Variants in TBX1 observed in about 807,000 individuals in gnomAD.
TBX1 encodes the protein T-box transcription factor TBX1.
In TBX1, 16 loss-of-function variants were observed where a neutral mutation model predicts 40.8. That is an observed-to-expected ratio of 0.39 (90% CI 0.27 to 0.60). TBX1 has a LOEUF of 0.60. Ranked by LOEUF, TBX1 falls within the 20% of genes least tolerant of loss-of-function variation. TBX1 has a pLI of 0.51. For synonymous variants in TBX1, 403 were observed against 336.8 expected (o/e 1.20, Z -2.15); for missense variants, 755 against 728.5 (o/e 1.04, Z -0.42).
At chr22:19,779,815 G>C (rs183031542), downstream of TBX1, among the ~76,000 whole-genome samples, 1 of 152,114 alleles carries the variant, frequency 6.6e-6, no homozygotes, top group African/African-American at 2.4e-5. Context: ...TTCTTTCTCC[G>C]ACGTGCTCTT....
chr22:19,778,539 A>G (rs185973506), intron 8 of TBX1, among the ~76,000 whole-genome samples: 5 of 151,704 alleles, frequency 3.3e-5, no homozygotes, highest in Non-Finnish European at 5.9e-5. Flanking sequence ...GGCTCAAGCA[A>G]TCCTCCTGCC....
chr22:19,766,052 C>G (rs1356072790), intron 6 of TBX1, 50 bp downstream of exon 6: 18 of 1,392,966 alleles, frequency 1.3e-5, no homozygotes, highest in Non-Finnish European at 1.4e-5. Context: ...CGCGCTCTAC[C>G]CCGGGCCGGC....
At chr22:19,762,220 G>C (rs981054351) in intron 1 of TBX1, among the ~76,000 whole-genome samples, 2 of 152,242 alleles carry the variant, frequency 1.3e-5, no homozygotes, top group African/African-American at 4.8e-5. Context: ...AGGCCAGCCC[G>C]GCAAGGGCCT....
In TBX1 at chr22:19,766,222, G is replaced by A. The variant is rs897430306; in HGVS notation, c.1037-167G>A. 8.4e-5 allele frequency: 88 copies of A among 1,051,010 alleles called. 1 individual carries two copies. The African/African-American group carries it at 1.0e-3, about 12-fold the overall frequency. 65.1% of individuals were successfully genotyped at this position (1,051,010 alleles called of 1,614,324 possible). A position where few individuals can be genotyped will look rare whatever the true frequency, so the allele number is the denominator to read the frequency against. On this transcript the variant is annotated intron_variant, in intron 6 of 6. Coordinates refer to ENST00000649276, the MANE Select transcript of TBX1 (RefSeq NM_001379200.1). The stretch of plus-strand genomic sequence containing the variant: ...CCCGCAGAGGGGCGCGGGCCCCGGG[G>A]AGGGCTCGGGGCGCCGGCGACTTGG...
chr22:19,766,181 CCCGCCG>C (rs913799811), intron 6 of TBX1, 179 bp downstream of exon 6: 12 of 810,658 alleles, frequency 1.5e-5, no homozygotes, highest in African/African-American at 1.9e-5. Context: ...CTGCGCCCCG[CCCGCCG>C]CCGCCGCCGC....
At position 19,761,165 on chromosome 22, in the gene TBX1, G is replaced by A; in HGVS notation, c.322G>A (p.Ala108Thr). 1 of 1,520,150 alleles carries A rather than the reference G, an allele frequency of 6.6e-7. No homozygotes were observed. Among genetic ancestry groups the A allele is most frequent in the Non-Finnish European group, 8.8e-7 (1 of 1,130,186 alleles). The allele number at this position is 1,520,150 out of a possible 1,614,324, so 94.2% of individuals were successfully genotyped here. Residue 108 changes from alanine (A) to threonine (T), a missense_variant, in exon 1 of 7, where the codon GCG becomes ACG. Physicochemically the swap from Ala to Thr is moderately conservative, Grantham distance 58. Around this residue, in one of 3 missense-constraint regions of TBX1, gnomAD observed 199 missense variants for 173.0 expected, o/e 1.15. Transcript: ENST00000649276. ...PGASCAAAAK[A>T]PVKKNAKVAG... is the part of the protein sequence containing the mutation. ...GGCCAGCTGCGCGGCCGCAGCCAAGGCGCCGGTGAAGAAGAACGCGAAGGT... is the reference window on the plus strand; with the variant it reads ...GGCCAGCTGCGCGGCCGCAGCCAAGACGCCGGTGAAGAAGAACGCGAAGGT...
chr22:19,768,950 A>ATTTTTTTTTT (rs1601297935), downstream of TBX1, among the ~76,000 whole-genome samples: 2 of 70,714 alleles, frequency 2.8e-5, no homozygotes, highest in Admixed American at 1.7e-4. Flanking sequence ...GGCTGTTCGC[A>ATTTTTTTTTT]TTCTTTTTTT....
chr22:19,774,533 G>A (rs899669266), intron 8 of TBX1, among the ~76,000 whole-genome samples: 1 of 152,192 alleles, frequency 6.6e-6, no homozygotes, highest in Non-Finnish European at 1.5e-5. Context: ...GTTCATAGCA[G>A]CATTACTCAA....
At position 19,766,678 on chromosome 22, in the gene TBX1, G is replaced by A; in HGVS notation, c.1326G>A (p.Pro442=). Residue 442 remains proline, a synonymous_variant, in exon 7 of 7, where the codon CCG becomes CCA. Transcript: ENST00000649276. ...ACTATCTCGGGGCCAAGAGCCGGCC[G>A]GCGCCCTACCCGCTGCCCGGCCTGC... ...YDHYLGAKSR[P]APYPLPGLRG... 2 of 1,549,394 alleles carry A rather than the reference G, an allele frequency of 1.3e-6. No homozygotes were observed. The highest frequency in any genetic ancestry group is 1.7e-6 in the Non-Finnish European group (2 of 1,156,366).
intron 1 of TBX1, 47 bp downstream of exon 1, chr22:19,761,327 C>G: frequency 6.6e-7 from 1 of 1,511,476 alleles, no homozygotes; most frequent in Non-Finnish European, 8.9e-7. Context: ...CGTGCTGCCG[C>G]CAGGGCTGCG....
chr22:19,779,137 T>C (rs1937110879), intron 8 of TBX1: 30 of 1,503,544 alleles, frequency 2.0e-5, no homozygotes, highest in Non-Finnish European at 2.7e-5. Context: ...CACTGGACAT[T>C]TGTGCAGTCT....
chr22:19,767,149 C>A lies in TBX1; in HGVS notation c.*282C>A, dbSNP rs942088365. On this transcript the variant is annotated 3_prime_UTR_variant, in exon 7 of 7. Coordinates refer to ENST00000649276, the MANE Select transcript of TBX1 (RefSeq NM_001379200.1). Reference sequence around the variant, plus strand: ...GCCCGCCAGTGCCAAAGCGCCCGGTCGGAGGCGGAAGGAAGTGATATTTAT... The same window carrying A: ...GCCCGCCAGTGCCAAAGCGCCCGGTAGGAGGCGGAAGGAAGTGATATTTAT... 2.1e-5 allele frequency: 26 copies of A among 1,240,622 alleles called. No homozygotes were observed. The Admixed American group carries it at 2.6e-4, about 12-fold the overall frequency. The allele number at this position is 1,240,622 out of a possible 1,614,324, so 76.9% of individuals were successfully genotyped here.
intron 3 of TBX1, 117 bp downstream of exon 3, chr22:19,764,443 T>TGGGCTGTCCCC: frequency 7.3e-7 from 1 of 1,371,296 alleles, no homozygotes; most frequent in Non-Finnish European, 1.0e-6. Context: ...CAGGCGGCTC[T>TGGGCTGTCCCC]GGGCTGTCCC....
upstream of TBX1, chr22:19,759,499 C>G: frequency 6.7e-7 from 1 of 1,490,038 alleles, no homozygotes; most frequent in Non-Finnish European, 8.9e-7. Context: ...CGCCTATGGA[C>G]GCGCGGAGCC....
At chr22:19,757,145 G>C (rs1483149646), upstream of TBX1, among the ~76,000 whole-genome samples, 1 of 151,658 alleles carries the variant, frequency 6.6e-6, no homozygotes, top group African/African-American at 2.4e-5. Flanking sequence ...AGTATAGGCA[G>C]CCGGTGGGGT....
intron 8 of TBX1, among the ~76,000 whole-genome samples, chr22:19,773,078 A>C (rs552679201): frequency 2.0e-5 from 3 of 152,328 alleles, no homozygotes; most frequent in East Asian, 3.9e-4. Context: ...TTGTTCCTCC[A>C]CGGATTCAGA....
intron 8 of TBX1, among the ~76,000 whole-genome samples, chr22:19,775,283 C>T (rs1272555744): frequency 2.6e-5 from 4 of 151,574 alleles, no homozygotes; most frequent in South Asian, 2.1e-4. Flanking sequence ...TTAGTAGAGA[C>T]GGGGTTTCAC....
In TBX1 at chr22:19,766,662, G is replaced by C; in HGVS notation, c.1310G>C (p.Gly437Ala). The change falls in exon 7 of 7, where the codon GGG becomes GCG. Residue 437 changes from glycine to alanine, a missense_variant. Around this residue, in one of 3 missense-constraint regions of TBX1, gnomAD observed 412 missense variants for 317.6 expected, o/e 1.30. Coordinates refer to ENST00000649276, the MANE Select transcript of TBX1 (RefSeq NM_001379200.1). ...GCCGCCGCCTACGACCACTATCTCG[G>C]GGCCAAGAGCCGGCCGGCGCCCTAC... ...YPAAAYDHYL[G>A]AKSRPAPYPL... The C allele has an allele frequency of 6.4e-7, 1 of 1,552,306 alleles. No homozygotes were observed. The highest frequency in any genetic ancestry group is 8.6e-7 in the Non-Finnish European group (1 of 1,157,592).
chr22:19,768,027 C>T (rs755750337), downstream of TBX1, among the ~76,000 whole-genome samples: 1 of 152,300 alleles, frequency 6.6e-6, no homozygotes, highest in South Asian at 2.1e-4. Flanking sequence ...GGCTAAGGGA[C>T]CTCTCCCCGT....
Sources: gnomAD v4.1 joint callset for allele counts (sites outside exome capture counted in the v4.1 genomes callset) on GRCh38, gnomAD v4.1.1 for gene constraint, gnomAD v4.1.1 regional missense constraint, MANE v1.5 for transcripts, NCBI Gene and HGNC (gene_info 2026-07-23, HGNC 2026-07-21) for gene names.